The following IL1RAPL1 variants were observed in gnomAD, a reference collection of about 807,000 sequenced individuals.
IL1RAPL1 encodes the protein interleukin 1 receptor accessory protein like 1, also known as interleukin-1 receptor accessory protein-like 1.
Under a neutral mutation model 48.4 loss-of-function variants are expected in IL1RAPL1, and 3 were observed. That is an observed-to-expected ratio of 0.06 (90% CI 0.03 to 0.16). The LOEUF is 0.16. IL1RAPL1 is among the 10% of genes least tolerant of loss of function. IL1RAPL1 has a pLI of 1.00. For missense variants in IL1RAPL1, 349 were observed against 530.6 expected (o/e 0.66, Z 3.36); for synonymous variants, 185 against 187.7 (o/e 0.99, Z 0.12).
chrX:29,655,042 A>G (rs1001846573), intron 5 of IL1RAPL1, among the ~76,000 whole-genome samples: 7 of 111,768 alleles, frequency 6.3e-5, no homozygotes, highest in African/African-American at 2.3e-4. Flanking sequence ...GTCCACTATC[A>G]TAATGAGAGC....
intron 6 of IL1RAPL1, among the ~76,000 whole-genome samples, chrX:29,907,427 ATATAG>A (rs1569199927): frequency 4.5e-5 from 5 of 110,941 alleles, no homozygotes; most frequent in Non-Finnish European, 9.4e-5. Context: ...ACTTTCTCCT[ATATAG>A]TATATTTATT....
intron 2 of IL1RAPL1, among the ~76,000 whole-genome samples, chrX:29,077,623 GA>G (rs777538763): frequency 2.0e-5 from 2 of 101,582 alleles, no homozygotes; most frequent in South Asian, 4.3e-4. Flanking sequence ...AAAAAAAAAA[GA>G]AAAAGAAAAC....
At chrX:28,900,744 T>C (rs1014292079) in intron 2 of IL1RAPL1, among the ~76,000 whole-genome samples, 2 of 111,801 alleles carry the variant, frequency 1.8e-5, no homozygotes, top group African/African-American at 3.2e-5. Flanking sequence ...TATTTGGAAG[T>C]ATTTTTATTT....
At chrX:29,474,193 A>G (rs1037286950) in intron 5 of IL1RAPL1, among the ~76,000 whole-genome samples, 1 of 112,355 alleles carries the variant, frequency 8.9e-6, no homozygotes, top group Admixed American at 9.5e-5. Context: ...ATAACAGACA[A>G]TTAGAGTCAA....
intron 2 of IL1RAPL1, among the ~76,000 whole-genome samples, chrX:29,272,041 G>A (rs946738951): frequency 5.4e-5 from 6 of 111,390 alleles, no homozygotes; most frequent in South Asian, 3.7e-4. Context: ...ACTTTTAGGC[G>A]TTACATTTAA....
rs748142333 is a variant in IL1RAPL1 at position 28,986,905 on chromosome X, G to A, written c.82+197480G>A. 5.7e-4 allele frequency among the ~76,000 whole-genome samples: 64 copies of A among 111,952 alleles called. No homozygotes were observed. In the Admixed American group the frequency reaches 6.1e-3, roughly 11 times the overall value. On this transcript the variant is annotated intron_variant, in intron 2 of 10. Coordinates refer to ENST00000378993, the MANE Select transcript of IL1RAPL1 (RefSeq NM_014271.4). ...GGATTTGTCAAAGAAGAGCCACTCC[G>A]TGATGTAATTTGCATGGTCATATAT...
rs1260088822 is a variant in IL1RAPL1 at position 29,952,354 on chromosome X, A to G, written c.1202-2168A>G. Among the ~76,000 whole-genome samples the G allele has an allele frequency of 1.3e-4, 14 of 111,612 alleles. No individual in the cohort carries two copies. In the Admixed American group the frequency reaches 1.3e-3, roughly 11 times the overall value. On this transcript the variant is annotated intron_variant, in intron 9 of 10. Coordinates refer to ENST00000378993, the MANE Select transcript of IL1RAPL1 (RefSeq NM_014271.4). ...GCCCAAAATAATACTACAATCCACA[A>G]TCTGGCCTGAGGAGTCCTTCCATTA...
At chrX:29,361,300 T>C (rs2147659453) in intron 3 of IL1RAPL1, among the ~76,000 whole-genome samples, 1 of 111,718 alleles carries the variant, frequency 9.0e-6, no homozygotes, top group East Asian at 2.8e-4. Context: ...AATGTGTAAG[T>C]ATTAATTGAA....
intron 1 of IL1RAPL1, among the ~76,000 whole-genome samples, chrX:28,669,747 TATC>T (rs1250782508): frequency 2.9e-5 from 3 of 104,738 alleles, no homozygotes; most frequent in East Asian, 2.9e-4. Flanking sequence ...AATTATATCA[TATC>T]ATATATAATT....
intron 1 of IL1RAPL1, among the ~76,000 whole-genome samples, chrX:28,697,471 T>C (rs1429898569): frequency 1.8e-5 from 2 of 111,197 alleles, no homozygotes; most frequent in Non-Finnish European, 3.8e-5. Context: ...TTTAAAAACA[T>C]ATGTAATCTT....
intron 5 of IL1RAPL1, among the ~76,000 whole-genome samples, chrX:29,577,544 C>T (rs771803021): frequency 1.8e-5 from 2 of 111,554 alleles, no homozygotes; most frequent in African/African-American, 3.3e-5. Context: ...TGCTATCCTG[C>T]GGAGAGTTAC....
intron 2 of IL1RAPL1, among the ~76,000 whole-genome samples, chrX:29,217,399 A>G (rs1447924916): frequency 8.9e-6 from 1 of 112,448 alleles, no homozygotes; most frequent in Non-Finnish European, 1.9e-5. Flanking sequence ...TCAGAAGACA[A>G]TGTTATAGCT....
Position 29,203,853 on chromosome X carries a change from C to T in IL1RAPL1, c.83-79085C>T, listed in dbSNP as rs187311856. Among the ~76,000 whole-genome samples, 101 of 106,301 alleles carry T rather than the reference C, an allele frequency of 9.5e-4. 1 individual carries two copies. The East Asian group carries it at 0.029, about 30-fold the overall frequency. 92.3% of individuals were successfully genotyped at this position (106,301 alleles called of 115,157 possible). On this transcript the variant is annotated intron_variant, in intron 2 of 10. Coordinates refer to ENST00000378993, the MANE Select transcript of IL1RAPL1 (RefSeq NM_014271.4). ...CCATTAGTCAACTTCATTTCCTCCC[C>T]CTCTCTCTACCACCCTCCCAAGTCT...
chrX:29,503,515 T>G (rs1935296984), intron 5 of IL1RAPL1, among the ~76,000 whole-genome samples: 1 of 112,501 alleles, frequency 8.9e-6, no homozygotes, highest in African/African-American at 3.2e-5. Context: ...GTAGTACTGC[T>G]TTTGCTGTGT....
At chrX:29,821,188 G>A (rs1316667884) in intron 6 of IL1RAPL1, among the ~76,000 whole-genome samples, 1 of 111,445 alleles carries the variant, frequency 9.0e-6, no homozygotes, top group Admixed American at 9.6e-5. Flanking sequence ...GGGAACTATC[G>A]CCTGTAATCC....
intron 1 of IL1RAPL1, among the ~76,000 whole-genome samples, chrX:28,753,114 G>C (rs2147247018): frequency 8.9e-6 from 1 of 111,897 alleles, no homozygotes; most frequent in East Asian, 2.8e-4. Context: ...ACACCCATTT[G>C]TTTCCACATT....
At chrX:29,253,436 A>G (rs189410857) in intron 2 of IL1RAPL1, among the ~76,000 whole-genome samples, 176 of 111,475 alleles carry the variant, frequency 1.6e-3, no homozygotes, top group Middle Eastern at 9.5e-3. Context: ...ATGACAATGA[A>G]AGCTAAGTAG....
At chrX:28,589,073 G>A (rs1321364106) in intron 1 of IL1RAPL1, among the ~76,000 whole-genome samples, 2 of 111,714 alleles carry the variant, frequency 1.8e-5, no homozygotes, top group African/African-American at 3.3e-5. Flanking sequence ...AATCAATATT[G>A]ATGACGTGGT....
chrX:29,073,956 T>C (rs976387958), intron 2 of IL1RAPL1, among the ~76,000 whole-genome samples: 2 of 111,529 alleles, frequency 1.8e-5, no homozygotes, highest in African/African-American at 6.5e-5. Context: ...TTTAAGTTCC[T>C]CACTGGATTA....
Sources: gnomAD v4.1 joint callset for allele counts (sites outside exome capture counted in the v4.1 genomes callset) on GRCh38, gnomAD v4.1.1 for gene constraint, MANE v1.5 for transcripts, NCBI Gene and HGNC (gene_info 2026-07-23, HGNC 2026-07-21) for gene names.